Variants in CD72 observed in about 807,000 individuals in gnomAD.
The protein encoded by CD72 is CD72 molecule.
CD72 carries 28 observed loss-of-function variants against 50.7 expected under a neutral mutation model. The observed-to-expected ratio is 0.55, with a 90% confidence interval of 0.41 to 0.76. CD72 has a LOEUF of 0.76. Among genes scored for constraint, CD72 ranks in the 30% least tolerant of loss-of-function variants. The probability of loss-of-function intolerance (pLI) is 0.00; values close to 1 mark genes in which losing one functional copy is unlikely to be tolerated. For missense variants in CD72, 403 were observed against 420.6 expected (o/e 0.96, Z 0.37); for synonymous variants, 176 against 171.2 (o/e 1.03, Z -0.22).
At chr9:35,622,305 AGAGTACAGATAG>A (rs1376793937), upstream of CD72, among the ~76,000 whole-genome samples, 5 of 152,200 alleles carry the variant, frequency 3.3e-5, no homozygotes, top group East Asian at 9.6e-4. Flanking sequence ...CTGAAGCCAA[AGAGTACAGATAG>A]GTCTTCGGTG....
Position 35,616,211 on chromosome 9 carries a change from C to T in CD72, c.420G>A (p.Arg140=). The T allele has an allele frequency of 3.7e-6, 6 of 1,614,166 alleles. No individual in the cohort carries two copies. The highest frequency in any genetic ancestry group is 5.1e-6 in the Non-Finnish European group (6 of 1,180,024). The stretch of plus-strand genomic sequence containing the variant: ...GCGTTATCTTGAGGCGGAGCTGCTG[C>T]CTCAGGCTGCTGTTAGTGACTTCCA... ...RVLEVTNSSL[R]QQLRLKITQL... The change falls in exon 5 of 9, where the codon AGG becomes AGA. Residue 140 remains arginine (R), a synonymous_variant. Transcript: ENST00000259633.
chr9:35,610,000 A>G lies in CD72; in HGVS notation c.*323T>C, dbSNP rs1333239867. The G allele has an allele frequency of 6.8e-6, 3 of 440,402 alleles. No homozygotes were observed. The highest frequency in any genetic ancestry group is 4.1e-5 in the Admixed American group (1 of 24,444). The allele number at this position is 440,402 out of a possible 1,614,324, so 27.3% of individuals were successfully genotyped here. On this transcript the variant is annotated 3_prime_UTR_variant, in exon 9 of 9. Transcript: ENST00000259633. The surrounding 1 kb of genome is among the most constrained non-coding windows in gnomAD (Gnocchi z 6.7). ...CGTGCAATTATTTAAAAAGATTTCA[A>G]TAAAACTGCCTGGCTGGCTCCGGGC...
At chr9:35,612,017 G>A (rs1328203649) in intron 6 of CD72, 98 bp from the exon 7 acceptor site, 20 of 702,166 alleles carry the variant, frequency 2.8e-5, no homozygotes, top group Non-Finnish European at 5.2e-5. Context: ...TGGCAAGGGG[G>A]CTGTATATAT....
intron 5 of CD72, among the ~76,000 whole-genome samples, chr9:35,614,249 CTG>C (rs1308558422): frequency 1.3e-5 from 2 of 152,198 alleles, no homozygotes; most frequent in Non-Finnish European, 2.9e-5. Flanking sequence ...TATTCCATAA[CTG>C]TTTATGTAAT....
At chr9:35,628,850 G>A (rs555918993) in intron 1 of CD72, among the ~76,000 whole-genome samples, 4 of 152,094 alleles carry the variant, frequency 2.6e-5, no homozygotes, top group Admixed American at 6.6e-5. Context: ...CCAGTTTTTC[G>A]CCATGCATGT....
upstream of CD72, among the ~76,000 whole-genome samples, chr9:35,620,851 C>A (rs1239713765): frequency 6.6e-6 from 1 of 152,104 alleles, no homozygotes; most frequent in Non-Finnish European, 1.5e-5. Flanking sequence ...AGGGGATCCC[C>A]AGATGGAACT....
At chr9:35,612,687 T>G (rs1823004826) in intron 6 of CD72, 161 bp downstream of exon 6, 2 of 673,810 alleles carry the variant, frequency 3.0e-6, no homozygotes, top group Non-Finnish European at 5.1e-6. Context: ...ATGCAGAGGT[T>G]GTTTCCAAGC....
chr9:35,643,210 G>C (rs1267504662), intron 1 of CD72: 3 of 152,286 alleles, frequency 2.0e-5, no homozygotes. Context: ...GCCCCCACTG[G>C]AGGTTGGACT....
At chr9:35,631,892 AAAATAAATAAAT>A (rs199602404) in intron 1 of CD72, among the ~76,000 whole-genome samples, 1 of 151,840 alleles carries the variant, frequency 6.6e-6, no homozygotes, top group Non-Finnish European at 1.5e-5. Context: ...GACTCCACTC[AAAATAAATAAAT>A]AAATAAATAA....
At chr9:35,627,977 A>T (rs1207372182) in intron 1 of CD72, among the ~76,000 whole-genome samples, 2 of 152,102 alleles carry the variant, frequency 1.3e-5, no homozygotes, top group South Asian at 4.2e-4. Context: ...CTAGGACTAC[A>T]GGCACTCACC....
At chr9:35,637,243 C>G (rs967836126) in intron 1 of CD72, among the ~76,000 whole-genome samples, 4 of 130,596 alleles carry the variant, frequency 3.1e-5, no homozygotes, top group African/African-American at 8.6e-5. Context: ...TTTGCTGACT[C>G]TCTATTCGGA....
At chr9:35,639,811 G>A (rs1165485554) in intron 1 of CD72, among the ~76,000 whole-genome samples, 4 of 152,118 alleles carry the variant, frequency 2.6e-5, no homozygotes, top group Non-Finnish European at 5.9e-5. Flanking sequence ...GCTGGCTGGG[G>A]AAAGGGAAAC....
intron 1 of CD72, among the ~76,000 whole-genome samples, chr9:35,627,118 G>A (rs1196002638): frequency 6.7e-5 from 10 of 149,208 alleles, no homozygotes; most frequent in African/African-American, 2.2e-4. Context: ...GATTACAGGC[G>A]TGAGCCACCA....
chr9:35,633,261 TTTG>T (rs1444050617), intron 1 of CD72, among the ~76,000 whole-genome samples: 8 of 151,192 alleles, frequency 5.3e-5, no homozygotes, highest in African/African-American at 1.7e-4. Context: ...ATTTTTGTTT[TTTG>T]TTTTTTTTTT....
intron 1 of CD72, among the ~76,000 whole-genome samples, chr9:35,636,307 T>A (rs10972532): frequency 0.052 from 7,921 of 152,240 alleles, 301 homozygotes; most frequent in Middle Eastern, 0.11. Context: ...AGCCTTTGGT[T>A]CTATTTGACT....
At chr9:35,632,938 T>C (rs567264806) in intron 1 of CD72, among the ~76,000 whole-genome samples, 64 of 150,356 alleles carry the variant, frequency 4.3e-4, no homozygotes, top group African/African-American at 1.5e-3. Context: ...TTTTTTTTTT[T>C]TTTTCTTTTT....
upstream of CD72, among the ~76,000 whole-genome samples, chr9:35,622,076 C>A (rs1040384249): frequency 1.3e-5 from 2 of 152,222 alleles, no homozygotes; most frequent in African/African-American, 4.8e-5. Flanking sequence ...GTTAAAGAGA[C>A]CAGCCTTGCC....
At chr9:35,613,015 A>G (rs1253802219) in intron 5 of CD72, 22 bp from the exon 6 acceptor site, 1 of 1,596,594 alleles carries the variant, frequency 6.3e-7, no homozygotes, top group Non-Finnish European at 8.6e-7. Flanking sequence ...AAAGAGTGTG[A>G]TAGCAGCAAC....
chr9:35,610,045 C>T lies in CD72; in HGVS notation c.*278G>A, dbSNP rs1021940859. On this transcript the variant is annotated 3_prime_UTR_variant, in exon 9 of 9. Coordinates refer to ENST00000259633, the MANE Select transcript of CD72 (RefSeq NM_001782.3). ...CCGGGCCGCCCCTATCCGCTCAGCC[C>T]GTGCGCCCTCCTCCCCCACCCCATT... The T allele has an allele frequency of 2.4e-5, 8 of 329,874 alleles. No individual in the cohort carries two copies. The highest frequency in any genetic ancestry group is 4.3e-5 in the African/African-American group (2 of 46,462). 20.4% of individuals were successfully genotyped at this position (329,874 alleles called of 1,614,324 possible). A position where few individuals can be genotyped will look rare whatever the true frequency, so the allele number is the denominator to read the frequency against.
Sources: allele counts gnomAD v4.1 joint callset (sites outside exome capture counted in the v4.1 genomes callset), GRCh38; gene constraint gnomAD v4.1.1; non-coding constraint Gnocchi (gnomAD v3.1); transcripts MANE v1.5; gene names NCBI Gene and HGNC (gene_info 2026-07-23, HGNC 2026-07-21).